NEDD4L: variants seen among roughly 807,000 people sequenced by gnomAD.
The protein encoded by NEDD4L is E3 ubiquitin-protein ligase NEDD4-like.
NEDD4L carries 54 observed loss-of-function variants against 148.9 expected under a neutral mutation model. The ratio of observed to expected loss-of-function variants is 0.36; its 90% CI spans 0.29 to 0.45. The LOEUF is 0.45. NEDD4L is among the 20% of genes least tolerant of loss of function. The pLI is 1.00. For synonymous variants in NEDD4L, 433 were observed against 440.7 expected (o/e 0.98, Z 0.22); for missense variants, 856 against 1,233.8 (o/e 0.69, Z 4.59).
At position 58,210,518 on chromosome 18, in the gene NEDD4L, G is replaced by A. The variant is rs189061706; in HGVS notation, c.123-34909G>A. Among the ~76,000 whole-genome samples, 208 of 151,972 alleles carry A rather than the reference G, an allele frequency of 1.4e-3. 1 individual carries two copies. Among genetic ancestry groups the A allele is most frequent in the Non-Finnish European group, 2.5e-3 (170 of 67,956 alleles). On this transcript the variant is annotated intron_variant, in intron 2 of 30. Coordinates refer to ENST00000400345, the MANE Select transcript of NEDD4L (RefSeq NM_001144967.3). ...GGCTGGAGTGCAACGGTGCGATCTCGGCTCACTGCAACCTCCGCCTCCCAG... is the reference window on the plus strand; with the variant it reads ...GGCTGGAGTGCAACGGTGCGATCTCAGCTCACTGCAACCTCCGCCTCCCAG...
At chr18:58,111,134 C>A (rs2085395901) in intron 1 of NEDD4L, among the ~76,000 whole-genome samples, 1 of 152,212 alleles carries the variant, frequency 6.6e-6, no homozygotes, top group Admixed American at 6.5e-5. Flanking sequence ...GTGGCACAAT[C>A]TCGGCTTACT....
At chr18:58,246,814 AAT>A (rs1024174992) in intron 3 of NEDD4L, among the ~76,000 whole-genome samples, 3 of 151,882 alleles carry the variant, frequency 2.0e-5, no homozygotes, top group African/African-American at 2.4e-5. Flanking sequence ...AGACATATGT[AAT>A]ATATATATAT....
At chr18:58,080,611 T>C (rs1427616841) in intron 1 of NEDD4L, among the ~76,000 whole-genome samples, 1 of 152,214 alleles carries the variant, frequency 6.6e-6, no homozygotes, top group Non-Finnish European at 1.5e-5. Flanking sequence ...TGTACTTCAT[T>C]CCTGTACCTG....
intron 5 of NEDD4L, among the ~76,000 whole-genome samples, chr18:58,272,940 G>A (rs979315996): frequency 1.4e-4 from 22 of 152,352 alleles, no homozygotes; most frequent in Admixed American, 1.1e-3. Context: ...AGGCAAACAG[G>A]AAGCTGAGAC....
At chr18:58,344,840 G>A (rs2042847110) in intron 16 of NEDD4L, among the ~76,000 whole-genome samples, 1 of 152,112 alleles carries the variant, frequency 6.6e-6, no homozygotes, top group Admixed American at 6.6e-5. Context: ...CCAGAAATAA[G>A]GGCTAACGAA....
At chr18:58,335,070 A>C (rs143584889) in intron 12 of NEDD4L, among the ~76,000 whole-genome samples, 1 of 152,274 alleles carries the variant, frequency 6.6e-6, no homozygotes, top group African/African-American at 2.4e-5. Flanking sequence ...CTTTCCTGGA[A>C]ACTGGTGATT....
At chr18:58,356,147 G>A (rs1679131956) in intron 18 of NEDD4L, among the ~76,000 whole-genome samples, 1 of 151,736 alleles carries the variant, frequency 6.6e-6, no homozygotes, top group Non-Finnish European at 1.5e-5. Context: ...TTGTAGAGAT[G>A]GGTCCTCACT....
intron 2 of NEDD4L, among the ~76,000 whole-genome samples, chr18:58,179,939 A>G (rs2038648806): frequency 6.6e-6 from 1 of 152,144 alleles, no homozygotes; most frequent in African/African-American, 2.4e-5. Context: ...ACCAGCCTGG[A>G]GAAAAATTGT....
chr18:58,242,525 G>A (rs989230835), intron 2 of NEDD4L, among the ~76,000 whole-genome samples: 13 of 151,600 alleles, frequency 8.6e-5, no homozygotes, highest in African/African-American at 1.2e-4. Flanking sequence ...CACTCTGTCC[G>A]GGTCTCACTC....
At chr18:58,163,803 T>C (rs535936675) in intron 1 of NEDD4L, among the ~76,000 whole-genome samples, 76 of 152,308 alleles carry the variant, frequency 5.0e-4, no homozygotes, top group African/African-American at 1.6e-3. Flanking sequence ...CAAGGATGTG[T>C]GTCCATTGCA....
chr18:58,317,321 T>C (rs973794744), intron 6 of NEDD4L, among the ~76,000 whole-genome samples: 2 of 152,196 alleles, frequency 1.3e-5, no homozygotes, highest in Non-Finnish European at 2.9e-5. Context: ...ATTTCACCTT[T>C]TGTGAGCAAA....
intron 2 of NEDD4L, among the ~76,000 whole-genome samples, chr18:58,213,377 A>G (rs2042804709): frequency 6.6e-6 from 1 of 152,208 alleles, no homozygotes; most frequent in Non-Finnish European, 1.5e-5. Context: ...GTACCATGTA[A>G]TATTATGAGA....
At chr18:58,338,638 A>G (rs9954157) in intron 13 of NEDD4L, among the ~76,000 whole-genome samples, 122,783 of 152,160 alleles carry the variant, frequency 0.81, 49,755 homozygotes, top group East Asian at 0.96. Flanking sequence ...CTGTATGGCC[A>G]GGTGCAGTGG....
chr18:58,158,728 G>A (rs1166282542), intron 1 of NEDD4L, among the ~76,000 whole-genome samples: 5 of 152,152 alleles, frequency 3.3e-5, no homozygotes, highest in East Asian at 1.9e-4. Flanking sequence ...TGAGTAGTCC[G>A]TTGAGTTAGG....
intron 5 of NEDD4L, among the ~76,000 whole-genome samples, chr18:58,283,277 T>C (rs2053441380): frequency 6.6e-6 from 1 of 152,268 alleles, no homozygotes; most frequent in East Asian, 1.9e-4. Context: ...GGTTTCACCA[T>C]GTTGGTCAGG....
intron 2 of NEDD4L, among the ~76,000 whole-genome samples, chr18:58,190,820 T>C (rs965911599): frequency 2.6e-5 from 4 of 152,176 alleles, no homozygotes; most frequent in African/African-American, 9.7e-5. Context: ...TGCCATCAAA[T>C]AGAAGATGTA....
chr18:58,154,077 T>C (rs1568295950), intron 1 of NEDD4L, among the ~76,000 whole-genome samples: 2 of 152,182 alleles, frequency 1.3e-5, no homozygotes, highest in East Asian at 1.9e-4. Flanking sequence ...GGTTGATCGA[T>C]AAAAAATGAA....
intron 1 of NEDD4L, among the ~76,000 whole-genome samples, chr18:58,058,614 G>A (rs2144642365): frequency 6.6e-6 from 1 of 152,318 alleles, no homozygotes; most frequent in Admixed American, 6.5e-5. Context: ...ATTTGGGGTA[G>A]CACTGGAGTA....
intron 1 of NEDD4L, among the ~76,000 whole-genome samples, chr18:58,058,634 C>T (rs1357658211): frequency 6.6e-6 from 1 of 152,206 alleles, no homozygotes; most frequent in East Asian, 1.9e-4. Context: ...ACTTGTCACA[C>T]TGGAGAGACA....
Sources: gnomAD v4.1 joint callset for allele counts (sites outside exome capture counted in the v4.1 genomes callset) on GRCh38, gnomAD v4.1.1 for gene constraint, MANE v1.5 for transcripts, NCBI Gene and HGNC (gene_info 2026-07-23, HGNC 2026-07-21) for gene names.